LINC00305: variants seen among roughly 807,000 people sequenced by gnomAD.
The protein encoded by LINC00305 is long intergenic non-protein coding RNA 305.
Position 64,107,173 on chromosome 18 carries a change from G to A in LINC00305, n.315-8533C>T, listed in dbSNP as rs139373935. 4.3e-3 allele frequency among the ~76,000 whole-genome samples: 654 copies of A among 152,330 alleles called. 4 individuals carry two copies. Among genetic ancestry groups the A allele is most frequent in the African/African-American group, 0.014 (601 of 41,586 alleles). On this transcript the variant is annotated intron_variant and non_coding_transcript_variant, in intron 1 of 3. Coordinates refer to ENST00000666468, the Ensembl canonical transcript of LINC00305. ...ATCATCACTGAAAATAATAGTCTTTGGTGGAGGTGAAGACAGATTCATTGC... is the reference window on the plus strand; with the variant it reads ...ATCATCACTGAAAATAATAGTCTTTAGTGGAGGTGAAGACAGATTCATTGC...
chr18:64,137,820 CA>C (rs2051442195), intron 1 of LINC00305, among the ~76,000 whole-genome samples: 1 of 151,636 alleles, frequency 6.6e-6, no homozygotes, highest in East Asian at 1.9e-4. Context: ...GAGTTAAACA[CA>C]AGCCATTAAA....
intron 1 of LINC00305, among the ~76,000 whole-genome samples, chr18:64,125,931 A>G (rs2051383282): frequency 6.6e-6 from 1 of 152,134 alleles, no homozygotes; most frequent in South Asian, 2.1e-4. Context: ...GAGATCACAC[A>G]GAAAGAAAAT....
intron 3 of LINC00305, among the ~76,000 whole-genome samples, chr18:64,084,318 C>T (rs1487488944): frequency 6.6e-6 from 1 of 152,060 alleles, no homozygotes; most frequent in East Asian, 1.9e-4. Flanking sequence ...AAGCTGTATG[C>T]AGTGAGTACA....
chr18:64,143,032 G>A (rs1269260747), intron 1 of LINC00305, among the ~76,000 whole-genome samples: 1 of 152,038 alleles, frequency 6.6e-6, no homozygotes, highest in Admixed American at 6.6e-5. Context: ...ACATACCAAA[G>A]CACAAGCAAA....
At position 64,126,125 on chromosome 18, in the gene LINC00305, G is replaced by A. The variant is rs142500158; in HGVS notation, n.314+22650C>T. On this transcript the variant is annotated intron_variant and non_coding_transcript_variant, in intron 1 of 3. Coordinates refer to ENST00000666468, the Ensembl canonical transcript of LINC00305. The stretch of plus-strand genomic sequence containing the variant: ...CAGTCTGTGATATTTTGTTACCGCA[G>A]CACAAGTAGACTGAGCTACCTTGCA... 4.9e-4 allele frequency among the ~76,000 whole-genome samples: 74 copies of A among 152,138 alleles called. 1 individual carries two copies. The East Asian group carries it at 0.012, about 24-fold the overall frequency.
At chr18:64,143,355 A>G (rs893753625) in intron 1 of LINC00305, among the ~76,000 whole-genome samples, 7 of 152,002 alleles carry the variant, frequency 4.6e-5, no homozygotes, top group African/African-American at 1.2e-4. Context: ...ATTTCCTTAT[A>G]TAGTAGTAGA....
Position 64,092,418 on chromosome 18 carries a change from C to G in LINC00305, n.540+5416G>C, listed in dbSNP as rs181196638. Among the ~76,000 whole-genome samples the G allele has an allele frequency of 1.4e-4, 21 of 152,208 alleles. No individual in the cohort carries two copies. In the South Asian group the frequency reaches 2.3e-3, roughly 17 times the overall value. ...TCTACTAAAAATACAAAAAATTAGC[C>G]TGGTGTGGTGGCAGGTGCCTGTAGT... On this transcript the variant is annotated intron_variant and non_coding_transcript_variant, in intron 3 of 3. Transcript: ENST00000666468.
intron 1 of LINC00305, among the ~76,000 whole-genome samples, chr18:64,143,412 T>A (rs994337318): frequency 6.6e-6 from 1 of 151,912 alleles, no homozygotes; most frequent in Admixed American, 6.6e-5. Flanking sequence ...TGTGTATATA[T>A]ATATATGTGT....
intron 1 of LINC00305, among the ~76,000 whole-genome samples, chr18:64,145,918 G>A (rs181297158): frequency 2.6e-5 from 4 of 152,022 alleles, no homozygotes; most frequent in South Asian, 2.1e-4. Flanking sequence ...ACTTGTTTTC[G>A]AAAATCATTA....
At chr18:64,133,992 G>A (rs1295782120) in intron 1 of LINC00305, among the ~76,000 whole-genome samples, 4 of 152,044 alleles carry the variant, frequency 2.6e-5, no homozygotes, top group Non-Finnish European at 5.9e-5. Context: ...TTTTTAAAAA[G>A]TATACATGCA....
At chr18:64,118,245 A>G (rs2051346524) in intron 1 of LINC00305, among the ~76,000 whole-genome samples, 1 of 152,172 alleles carries the variant, frequency 6.6e-6, no homozygotes, top group South Asian at 2.1e-4. Flanking sequence ...TGATATTATG[A>G]AACTGAGTTC....
At chr18:64,129,572 A>T (rs2051400311) in intron 1 of LINC00305, among the ~76,000 whole-genome samples, 1 of 152,122 alleles carries the variant, frequency 6.6e-6, no homozygotes, top group Non-Finnish European at 1.5e-5. Flanking sequence ...ATAAAAATAG[A>T]TTTGAATAAA....
intron 1 of LINC00305, among the ~76,000 whole-genome samples, chr18:64,130,873 A>T (rs2051406513): frequency 6.6e-6 from 1 of 152,204 alleles, no homozygotes; most frequent in African/African-American, 2.4e-5. Context: ...GATATGGTAG[A>T]TAAACTTGGA....
At chr18:64,099,338 A>G (rs746706232) in intron 1 of LINC00305, among the ~76,000 whole-genome samples, 1 of 152,090 alleles carries the variant, frequency 6.6e-6, no homozygotes, top group Non-Finnish European at 1.5e-5. Flanking sequence ...TGAGGTGGTG[A>G]TGGGTGAAAA....
chr18:64,117,807 C>A (rs1422631696), intron 1 of LINC00305, among the ~76,000 whole-genome samples: 1 of 152,130 alleles, frequency 6.6e-6, no homozygotes, highest in Non-Finnish European at 1.5e-5. Context: ...GTTTTCTAAA[C>A]CCAGAAAAGT....
rs572397234 is a variant in LINC00305, at chr18:64,136,593, C to T, written n.314+12182G>A. Among the ~76,000 whole-genome samples, 70 of 152,310 alleles carry T rather than the reference C, an allele frequency of 4.6e-4. No individual in the cohort carries two copies. The South Asian group carries it at 0.013, about 28-fold the overall frequency. On this transcript the variant is annotated intron_variant and non_coding_transcript_variant, in intron 1 of 3. Coordinates refer to ENST00000666468, the Ensembl canonical transcript of LINC00305. ...CACCCTTGACACCTGCGGATTATTA[C>T]AAATCAAGGTGAGATTTGGGTGGGG...
chr18:64,123,960 C>T (rs1446447676), intron 1 of LINC00305, among the ~76,000 whole-genome samples: 2 of 152,114 alleles, frequency 1.3e-5, no homozygotes, highest in African/African-American at 4.8e-5. Flanking sequence ...TCTCTTGGCA[C>T]ACACTGGCTC....
At chr18:64,094,630 A>AG (rs1281414347) in intron 3 of LINC00305, among the ~76,000 whole-genome samples, 3 of 152,110 alleles carry the variant, frequency 2.0e-5, no homozygotes, top group Admixed American at 6.5e-5. Context: ...TGGGAGGCTG[A>AG]GGGGGGCAGA....
chr18:64,143,785 C>CACATATTATGCATACATGTATGTAT (rs2051482888), intron 1 of LINC00305, among the ~76,000 whole-genome samples: 1 of 84,722 alleles, frequency 1.2e-5, no homozygotes, highest in African/African-American at 4.4e-5. Context: ...CATGTATGTA[C>CACATATTATGCATACATGTATGTAT]ACATATTATG....
Sources: allele counts gnomAD v4.1 joint callset (sites outside exome capture counted in the v4.1 genomes callset), GRCh38; gene constraint gnomAD v4.1.1; transcripts MANE v1.5; gene names NCBI Gene and HGNC (gene_info 2026-07-23, HGNC 2026-07-21).